Variants in TTC8 observed in about 807,000 individuals in gnomAD.
TTC8 encodes tetratricopeptide repeat protein 8.
A neutral mutation model predicts 72.5 loss-of-function variants in TTC8; 47 were observed. That is an observed-to-expected ratio of 0.65 (90% CI 0.51 to 0.83). The LOEUF is 0.83. Among genes scored for constraint, TTC8 ranks in the 40% least tolerant of loss-of-function variants. The probability of loss-of-function intolerance (pLI) is 0.00; values close to 1 mark genes in which losing one functional copy is unlikely to be tolerated. For synonymous variants in TTC8, 199 were observed against 221.4 expected (o/e 0.90, Z 0.90); for missense variants, 611 against 623.2 (o/e 0.98, Z 0.21).
intron 1 of TTC8, among the ~76,000 whole-genome samples, chr14:88,828,895 C>T (rs1040711356): frequency 1.3e-5 from 2 of 152,098 alleles, no homozygotes; most frequent in African/African-American, 4.8e-5. Context: ...CTTGTATTTT[C>T]TATTAGGATT....
At chr14:88,861,098 C>A in intron 9 of TTC8, 124 bp from the exon 10 acceptor site, 1 of 771,328 alleles carries the variant, frequency 1.3e-6, no homozygotes, top group Non-Finnish European at 2.1e-6. Context: ...GCCACCACAC[C>A]CGGCTAAAAA....
intron 10 of TTC8, 64 bp downstream of exon 10, chr14:88,861,396 C>T (rs1399294747): frequency 7.2e-5 from 90 of 1,252,512 alleles, no homozygotes; most frequent in Non-Finnish European, 8.5e-5. Flanking sequence ...TTTTGTGGTA[C>T]ATGTGATATT....
chr14:88,850,249 A>G (rs941816209), intron 7 of TTC8, among the ~76,000 whole-genome samples: 1 of 152,204 alleles, frequency 6.6e-6, no homozygotes. Context: ...AGGTGTTGTC[A>G]ACAGACGTCA....
At chr14:88,877,223 T>C in intron 14 of TTC8, 71 bp from the exon 15 acceptor site, 1 of 1,178,982 alleles carries the variant, frequency 8.5e-7, no homozygotes. Flanking sequence ...CTATGTCTTA[T>C]TTTCTTTTTT....
intron 10 of TTC8, among the ~76,000 whole-genome samples, chr14:88,866,921 G>T (rs1200856254): frequency 6.6e-6 from 1 of 152,118 alleles, no homozygotes; most frequent in Non-Finnish European, 1.5e-5. Context: ...TGAATTGGCA[G>T]TTCACTGAAA....
chr14:88,852,978 A>C lies in TTC8; in HGVS notation c.632A>C (p.Asp211Ala), dbSNP rs757018592. 1.2e-6 allele frequency: 2 copies of C among 1,613,300 alleles called. No homozygotes were observed. Among genetic ancestry groups the C allele is most frequent in the East Asian group, 2.2e-5 (1 of 44,808 alleles). The change falls in exon 8 of 15, where the codon GAT becomes GCT. Residue 211 changes from aspartate (D) to alanine (A), a missense_variant. Physicochemically the swap from Asp to Ala is moderately radical, Grantham distance 126. Coordinates refer to ENST00000380656, the MANE Select transcript of TTC8 (RefSeq NM_144596.4). The part of the protein sequence containing the change: ...HHENDVKTAL[D>A]LAALSTEHSQ... Reference sequence around the variant, plus strand: ...AATGAATTGTTTTCAAAGGCTTTGGATCTGGCTGCCCTCTCCACAGAACAT... The same window carrying C: ...AATGAATTGTTTTCAAAGGCTTTGGCTCTGGCTGCCCTCTCCACAGAACAT...
At chr14:88,826,277 C>T (rs775885609) in intron 1 of TTC8, among the ~76,000 whole-genome samples, 2 of 151,736 alleles carry the variant, frequency 1.3e-5, no homozygotes, top group African/African-American at 4.8e-5. Context: ...CATGAGCCAC[C>T]GCGCCCAGCC....
chr14:88,855,611 A>T (rs567877110), intron 8 of TTC8, among the ~76,000 whole-genome samples: 2 of 152,246 alleles, frequency 1.3e-5, no homozygotes, highest in Admixed American at 1.3e-4. Flanking sequence ...ATTTATCTAC[A>T]TTGTTTTTAA....
intron 2 of TTC8, among the ~76,000 whole-genome samples, chr14:88,836,378 A>G (rs1167796780): frequency 2.6e-5 from 4 of 151,772 alleles, no homozygotes; most frequent in African/African-American, 9.7e-5. Flanking sequence ...CTGTAGTCCT[A>G]GCTACTCTGG....
chr14:88,841,232 C>T (rs780635702), intron 5 of TTC8, 36 bp downstream of exon 5: 15 of 1,613,100 alleles, frequency 9.3e-6, no homozygotes, highest in Non-Finnish European at 1.3e-5. Context: ...CCTTGTATTA[C>T]TTTGGTATTA....
chr14:88,854,670 T>G (rs2094848256), intron 8 of TTC8, among the ~76,000 whole-genome samples: 1 of 152,118 alleles, frequency 6.6e-6, no homozygotes, highest in Non-Finnish European at 1.5e-5. Context: ...CTGAAGGTAA[T>G]TTTGTATAAT....
chr14:88,828,872 C>T (rs1404574826), intron 1 of TTC8, among the ~76,000 whole-genome samples: 2 of 152,080 alleles, frequency 1.3e-5, no homozygotes, highest in African/African-American at 4.8e-5. Context: ...CATCAAAAGT[C>T]TTTAATTATT....
At chr14:88,872,861 C>T (rs1334352790) in intron 13 of TTC8, among the ~76,000 whole-genome samples, 2 of 152,116 alleles carry the variant, frequency 1.3e-5, no homozygotes, top group Admixed American at 6.5e-5. Context: ...CCTCAGAGTC[C>T]CATCACATTC....
chr14:88,830,483 A>G (rs1426945032), intron 1 of TTC8, among the ~76,000 whole-genome samples: 1 of 152,224 alleles, frequency 6.6e-6, no homozygotes, highest in Non-Finnish European at 1.5e-5. Flanking sequence ...ATGATAATAT[A>G]TGTGAAAGAA....
intron 2 of TTC8, among the ~76,000 whole-genome samples, chr14:88,834,379 T>G (rs1201747009): frequency 2.6e-5 from 4 of 152,162 alleles, no homozygotes; most frequent in Non-Finnish European, 5.9e-5. Flanking sequence ...AGTCTGGGAC[T>G]AAGGAGAGAA....
At chr14:88,876,189 A>G (rs1232065287) in intron 14 of TTC8, among the ~76,000 whole-genome samples, 1 of 152,200 alleles carries the variant, frequency 6.6e-6, no homozygotes, top group African/African-American at 2.4e-5. Flanking sequence ...AACCCCCAAG[A>G]GGGCTGGCTT....
chr14:88,836,762 G>A (rs1339081987), intron 2 of TTC8: 1 of 152,208 alleles, frequency 6.6e-6, no homozygotes, highest in Non-Finnish European at 1.5e-5. Flanking sequence ...GATAAAACTT[G>A]ATGTTTAAAA....
At chr14:88,872,073 G>C (rs2094936587) in intron 12 of TTC8, among the ~76,000 whole-genome samples, 1 of 152,134 alleles carries the variant, frequency 6.6e-6, no homozygotes, top group African/African-American at 2.4e-5. Context: ...AAAAAAGTTA[G>C]TTTGAAGAAA....
chr14:88,870,500 T>C (rs1006007654), intron 11 of TTC8, among the ~76,000 whole-genome samples: 2 of 152,216 alleles, frequency 1.3e-5, no homozygotes, highest in African/African-American at 2.4e-5. Flanking sequence ...AAACTTATCA[T>C]CATCATTGCC....
Sources: allele counts gnomAD v4.1 joint callset (sites outside exome capture counted in the v4.1 genomes callset), GRCh38; gene constraint gnomAD v4.1.1; transcripts MANE v1.5; gene names NCBI Gene and HGNC (gene_info 2026-07-23, HGNC 2026-07-21).